Variants in SPIN3 observed in about 807,000 individuals in gnomAD.
The protein encoded by SPIN3 is spindlin-3.
For missense variants in SPIN3, 176 were observed against 196.4 expected (o/e 0.90, Z 0.62); for synonymous variants, 74 against 74.3 (o/e 1.00, Z 0.02).
At chrX:56,977,446 G>A (rs1277478322) in intron 5 of SPIN3, 4 of 111,628 alleles carry the variant, frequency 3.6e-5, no homozygotes, top group Non-Finnish European at 7.5e-5. Flanking sequence ...CTATTAAGTG[G>A]AAAAATTTAT....
At chrX:56,980,519 G>A (rs1488324255) in intron 3 of SPIN3, 4 of 109,751 alleles carry the variant, frequency 3.6e-5, no homozygotes, top group Non-Finnish European at 1.9e-5. Flanking sequence ...ACAGTTCAGC[G>A]ACAAAGGAAA....
chrX:56,985,078 C>T (rs1167175369), intron 2 of SPIN3, among the ~76,000 whole-genome samples: 2 of 111,715 alleles, frequency 1.8e-5, no homozygotes, highest in Non-Finnish European at 3.8e-5. Flanking sequence ...ACTCTTCCTT[C>T]AAAATATACC....
chrX:56,975,466 G>A (rs1923985881), downstream of SPIN3: 1 of 111,450 alleles, frequency 9.0e-6, no homozygotes, highest in African/African-American at 3.3e-5. Context: ...GATGGCTTCA[G>A]AGAGAATACA....
downstream of SPIN3, among the ~76,000 whole-genome samples, chrX:56,988,070 T>C (rs749041150): frequency 1.8e-5 from 2 of 111,869 alleles, no homozygotes; most frequent in East Asian, 5.7e-4. Context: ...AGTAACTTGC[T>C]AGTATAGAGC....
chrX:56,976,612 A>T (rs1385277766), exon 6 of SPIN3: 1 of 111,623 alleles, frequency 9.0e-6, no homozygotes, highest in African/African-American at 3.3e-5. Flanking sequence ...TGGCTATGGA[A>T]ACTGAGAAAA....
intron 3 of SPIN3, chrX:56,982,034 T>C (rs1291558861): frequency 9.0e-6 from 1 of 111,127 alleles, no homozygotes; most frequent in Admixed American, 9.6e-5. Flanking sequence ...CAGTGATGGG[T>C]GAAAAAACAT....
At position 56,994,379 on chromosome X, in the gene SPIN3, T is replaced by C; in HGVS notation, c.569A>G (p.Gln190Arg). 1 of 1,211,751 alleles carries C rather than the reference T, an allele frequency of 8.3e-7. No homozygotes were observed. Among genetic ancestry groups the C allele is most frequent in the South Asian group, 1.8e-5 (1 of 56,909 alleles). The change falls in exon 2 of 2, where the codon CAA becomes CGA. Residue 190 changes from glutamine (Q) to arginine (R), a missense_variant. Transcript: ENST00000374919. ...TGCCAGAGGAGAATCATTGGAATCT[T>C]GAAGGATGCGGAGGTCACCATCTTT... ...DYKDGDLRIL[Q>R]DSNDSPLAER...
chrX:56,992,916 G>C lies in SPIN3; in HGVS notation c.*1255C>G, dbSNP rs1924382719. The C allele has an allele frequency of 7.2e-6, 1 of 138,307 alleles. No homozygotes were observed. The highest frequency in any genetic ancestry group is 3.5e-4 in the South Asian group (1 of 2,841). The allele number at this position is 138,307 out of a possible 1,213,427, so 11.4% of individuals were successfully genotyped here. On this transcript the variant is annotated 3_prime_UTR_variant, in exon 2 of 2. Transcript: ENST00000374919. ...TTTCTTAGGGCCAGCCAAGAAACAGGATAGTTAAAAATCCAAACACTAACA... is the reference window on the plus strand; with the variant it reads ...TTTCTTAGGGCCAGCCAAGAAACAGCATAGTTAAAAATCCAAACACTAACA...
chrX:56,995,189 T>G, intron 1 of SPIN3, 27 bp downstream of exon 1: 6 of 340,790 alleles, frequency 1.8e-5, no homozygotes, highest in East Asian at 4.7e-5. Flanking sequence ...CGTTTCCCCA[T>G]TCCCCTCGCC....
chrX:56,977,534 T>C (rs1217222473), intron 5 of SPIN3: 3 of 112,201 alleles, frequency 2.7e-5, no homozygotes, highest in African/African-American at 6.5e-5. Context: ...TACAGGTGTA[T>C]ATATGCGTTT....
rs915949968 is a variant in SPIN3 at position 56,992,660 on chromosome X, C to A, written c.*1511G>T. The A allele has an allele frequency of 8.9e-5, 26 of 292,742 alleles. No homozygotes were observed. Among genetic ancestry groups the A allele is most frequent in the Non-Finnish European group, 1.2e-4 (21 of 168,302 alleles). The allele number at this position is 292,742 out of a possible 1,213,427, so 24.1% of individuals were successfully genotyped here. A position where few individuals can be genotyped will look rare whatever the true frequency, so the allele number is the denominator to read the frequency against. ...GAGTCCCAGCCCCAAATGTGCAGAA[C>A]TCCATGGCCTTATTAGGCTGTTACT... On this transcript the variant is annotated 3_prime_UTR_variant, in exon 2 of 2. Transcript: ENST00000374919.
chrX:56,995,271 A>C lies in SPIN3; in HGVS notation c.-58T>G. ...CCGGATTGCGGGCCTCAAGTGCACA[A>C]ATCGGACACCTCGCCGTTGCCTCCG... On this transcript the variant is annotated 5_prime_UTR_variant, in exon 1 of 2. It adds an upstream start codon to the 5' untranslated region. Transcript: ENST00000374919. 4.0e-6 allele frequency: 1 copy of C among 250,429 alleles called. No homozygotes were observed. The highest frequency in any genetic ancestry group is 6.1e-5 in the Admixed American group (1 of 16,460). The allele number at this position is 250,429 out of a possible 1,213,427, so 20.6% of individuals were successfully genotyped here.
At chrX:56,984,750 GT>G (rs937688897) in intron 2 of SPIN3, among the ~76,000 whole-genome samples, 10 of 111,105 alleles carry the variant, frequency 9.0e-5, no homozygotes, top group Admixed American at 6.7e-4. Context: ...ATCTCATACA[GT>G]CCCATGGTTT....
downstream of SPIN3, among the ~76,000 whole-genome samples, chrX:56,990,241 G>C (rs188100365): frequency 1.6e-3 from 176 of 111,791 alleles, no homozygotes; most frequent in Middle Eastern, 4.6e-3. Context: ...AGAAAAAACA[G>C]CCTGAGAATG....
At chrX:56,976,794 G>A (rs1296514490) in exon 6 of SPIN3, 2 of 111,717 alleles carry the variant, frequency 1.8e-5, no homozygotes, top group Non-Finnish European at 1.9e-5. Context: ...GATAGCAATG[G>A]CCCATGACTG....
At chrX:56,995,103 C>CTCAG in intron 1 of SPIN3, 113 bp downstream of exon 1, 5 of 616,983 alleles carry the variant, frequency 8.1e-6, no homozygotes, top group Non-Finnish European at 1.2e-5. Flanking sequence ...AATCAAGGCA[C>CTCAG]CCTGGCTGAG....
At chrX:56,989,706 G>A (rs1045534238), downstream of SPIN3, among the ~76,000 whole-genome samples, 10 of 111,082 alleles carry the variant, frequency 9.0e-5, no homozygotes, top group African/African-American at 3.3e-4. Flanking sequence ...ATAGGAGCAT[G>A]AACCCTATTG....
chrX:56,993,252 T>C lies in SPIN3; in HGVS notation c.*919A>G, dbSNP rs1924391607. 8.9e-6 allele frequency: 1 copy of C among 112,172 alleles called. No homozygotes were observed. The highest frequency in any genetic ancestry group is 1.9e-5 in the Non-Finnish European group (1 of 53,213). 9.2% of individuals were successfully genotyped at this position (112,172 alleles called of 1,213,427 possible). A position where few individuals can be genotyped will look rare whatever the true frequency, so the allele number is the denominator to read the frequency against. ...TTTCTCCTCTTTCATTTTGAGGTTC[T>C]GGACAGATCTGTCCAAACCCAGCCA... On this transcript the variant is annotated 3_prime_UTR_variant, in exon 2 of 2. Coordinates refer to ENST00000374919, the MANE Select transcript of SPIN3 (RefSeq NM_001010862.3).
downstream of SPIN3, among the ~76,000 whole-genome samples, chrX:56,990,166 TTATC>T (rs1374412727): frequency 9.0e-6 from 1 of 111,198 alleles, no homozygotes; most frequent in Non-Finnish European, 1.9e-5. Flanking sequence ...AGGACACAGG[TTATC>T]TATCTTTCTC....
Sources: allele counts gnomAD v4.1 joint callset (sites outside exome capture counted in the v4.1 genomes callset), GRCh38; gene constraint gnomAD v4.1.1; transcripts MANE v1.5; gene names NCBI Gene and HGNC (gene_info 2026-07-23, HGNC 2026-07-21).